HIBCH: variants seen among roughly 807,000 people sequenced by gnomAD.
HIBCH encodes the protein 3-hydroxyisobutyryl-CoA hydrolase, mitochondrial.
HIBCH carries 50 observed loss-of-function variants against 58.2 expected under a neutral mutation model. The ratio of observed to expected loss-of-function variants is 0.86; its 90% confidence interval spans 0.68 to 1.09. HIBCH has a LOEUF of 1.09. Ranked by LOEUF, HIBCH falls within the 50% of genes least tolerant of loss-of-function variation. The pLI is 0.00. For synonymous variants in HIBCH, 151 were observed against 146.9 expected (o/e 1.03, Z -0.20); for missense variants, 450 against 449.7 (o/e 1.00, Z -0.01).
At chr2:190,246,356 G>T (rs1052368337) in intron 9 of HIBCH, 144 bp from the exon 10 acceptor site, 2 of 611,310 alleles carry the variant, frequency 3.3e-6, no homozygotes, top group Non-Finnish European at 5.8e-6. Flanking sequence ...AATAACTACC[G>T]CTGTATGATC....
chr2:190,198,151 C>A (rs1690065108), intron 1 of HIBCH, among the ~76,000 whole-genome samples: 1 of 152,248 alleles, frequency 6.6e-6, no homozygotes, highest in Non-Finnish European at 1.5e-5. Flanking sequence ...TAATTAAAAG[C>A]AGAAGACTGC....
intron 6 of HIBCH, among the ~76,000 whole-genome samples, chr2:190,265,019 A>C (rs934859968): frequency 1.4e-5 from 2 of 147,848 alleles, no homozygotes; most frequent in Admixed American, 1.4e-4. Flanking sequence ...GCTACTCGGG[A>C]GGCTGAGGCA....
intron 1 of HIBCH, among the ~76,000 whole-genome samples, chr2:190,195,628 C>G (rs2105882213): frequency 6.6e-6 from 1 of 152,300 alleles, no homozygotes; most frequent in Non-Finnish European, 1.5e-5. Context: ...GTATTGTTGA[C>G]TTTTAAAAGT....
chr2:190,276,278 G>A (rs1687548936), intron 6 of HIBCH, among the ~76,000 whole-genome samples: 1 of 152,110 alleles, frequency 6.6e-6, no homozygotes, highest in African/African-American at 2.4e-5. Context: ...CATACACTAT[G>A]TAAATGCCCC....
At chr2:190,312,861 G>A (rs1467099106) in intron 1 of HIBCH, among the ~76,000 whole-genome samples, 1 of 152,202 alleles carries the variant, frequency 6.6e-6, no homozygotes, top group Non-Finnish European at 1.5e-5. Context: ...CACTTTGGGA[G>A]GCCAAGGCAG....
chr2:190,193,409 C>A (rs1689810048), intron 1 of HIBCH, among the ~76,000 whole-genome samples: 2 of 152,064 alleles, frequency 1.3e-5, no homozygotes, highest in African/African-American at 2.4e-5. Flanking sequence ...TAATACTGGC[C>A]TCATATAGAA....
intron 6 of HIBCH, among the ~76,000 whole-genome samples, chr2:190,263,648 A>C (rs1687154401): frequency 1.3e-5 from 2 of 152,306 alleles, no homozygotes; most frequent in South Asian, 4.1e-4. Context: ...CTCGTCTTGA[A>C]TGTCTAATAA....
downstream of HIBCH, chr2:190,200,316 C>G: frequency 3.2e-6 from 2 of 627,834 alleles, no homozygotes; most frequent in Admixed American, 3.0e-5. Context: ...TTAAGTACTT[C>G]TATGTTAACA....
chr2:190,239,647 G>GTTTTTTTTT (rs60949644), intron 11 of HIBCH, among the ~76,000 whole-genome samples: 7 of 127,522 alleles, frequency 5.5e-5, no homozygotes, highest in African/African-American at 2.1e-4. Flanking sequence ...GTGGTTTGTA[G>GTTTTTTTTT]TTTTTTTTTT....
chr2:190,319,785 G>C lies in HIBCH; in HGVS notation c.-35C>G, dbSNP rs779583218. ...CTCCGAAGCTAAAGCAGCAGAGCGA[G>C]AATCTCCCGGACCGTTCCAGCGCCT... On this transcript the variant is annotated 5_prime_UTR_variant, in exon 1 of 14. Coordinates refer to ENST00000359678, the MANE Select transcript of HIBCH (RefSeq NM_014362.4). The C allele has an allele frequency of 5.0e-6, 8 of 1,601,328 alleles. 1 individual carries two copies. Among genetic ancestry groups the C allele is most frequent in the East Asian group, 4.5e-5 (2 of 44,630 alleles).
In HIBCH at chr2:190,304,502, C is replaced by T. The variant is rs1200764060; in HGVS notation, c.78+6252G>A. 6.6e-6 allele frequency among the ~76,000 whole-genome samples: 1 copy of T among 152,184 alleles called. No individual in the cohort carries two copies. Among genetic ancestry groups the T allele is most frequent in the East Asian group, 1.9e-4 (1 of 5,190 alleles). On this transcript the variant is annotated intron_variant, in intron 2 of 13. Transcript: ENST00000359678. The surrounding 1 kb of genome is among the most constrained non-coding windows in gnomAD (Gnocchi z 4.1). ...TTAATGGATTAATCCTTCGTGAGGA[C>T]AGAGGCCTCGTGACCCAATCACCTC...
rs1685549805 is a variant in HIBCH at position 190,216,681 on chromosome 2, T to A, written c.892-3606A>T. Among the ~76,000 whole-genome samples the A allele has an allele frequency of 6.6e-6, 1 of 152,200 alleles. No homozygotes were observed. The highest frequency in any genetic ancestry group is 1.5e-5 in the Non-Finnish European group (1 of 68,028). ...GGATTTTTAAATGCTGGTTATCAGT[T>A]CAAAAAACTTAAAAACCCAATAGAG... On this transcript the variant is annotated intron_variant, in intron 11 of 13. Coordinates refer to ENST00000359678, the MANE Select transcript of HIBCH (RefSeq NM_014362.4). The surrounding 1 kb of genome is among the most constrained non-coding windows in gnomAD (Gnocchi z 4.2).
chr2:190,260,311 T>G (rs1687052987), intron 7 of HIBCH: 1 of 152,280 alleles, frequency 6.6e-6, no homozygotes, highest in African/African-American at 2.4e-5. Context: ...ATCATTAATA[T>G]GAAATACTTA....
chr2:190,228,294 C>T (rs1368632239), intron 11 of HIBCH, among the ~76,000 whole-genome samples: 4 of 151,184 alleles, frequency 2.6e-5, no homozygotes, highest in Non-Finnish European at 5.9e-5. Context: ...AGCAAATTAT[C>T]GCAAGGACAG....
At chr2:190,219,625 CA>C (rs1302155448) in intron 11 of HIBCH, among the ~76,000 whole-genome samples, 1 of 152,190 alleles carries the variant, frequency 6.6e-6, no homozygotes, top group Non-Finnish European at 1.5e-5. Context: ...TGGGCTGCAA[CA>C]AAATGCAGCA....
intron 11 of HIBCH, among the ~76,000 whole-genome samples, chr2:190,239,968 G>T (rs1310774364): frequency 6.6e-6 from 1 of 152,062 alleles, no homozygotes; most frequent in African/African-American, 2.4e-5. Context: ...TTTTTTTATT[G>T]TTGTGTCTCT....
Position 190,261,818 on chromosome 2 carries a change from G to A in HIBCH, c.439-584C>T, listed in dbSNP as rs552911483. 2.1e-4 allele frequency among the ~76,000 whole-genome samples: 32 copies of A among 152,242 alleles called. No homozygotes were observed. In the South Asian group the frequency reaches 6.4e-3, roughly 31 times the overall value. ...AATCATAAAACTTCTAAGGTAAGAA[G>A]AAAAACTACTAGATAAGGCCACTGC... is the stretch of plus-strand genomic sequence containing the variant. On this transcript the variant is annotated intron_variant, in intron 6 of 13. Coordinates refer to ENST00000359678, the MANE Select transcript of HIBCH (RefSeq NM_014362.4).
intron 11 of HIBCH, among the ~76,000 whole-genome samples, chr2:190,237,140 G>A (rs546887699): frequency 2.2e-4 from 34 of 152,240 alleles, no homozygotes; most frequent in African/African-American, 7.9e-4. Flanking sequence ...TCACTTAAGT[G>A]CATAGTTCTA....
At chr2:190,258,494 T>C (rs929798797) in intron 7 of HIBCH, among the ~76,000 whole-genome samples, 4 of 152,346 alleles carry the variant, frequency 2.6e-5, no homozygotes, top group East Asian at 1.9e-4. Context: ...ACTCTGCTAA[T>C]TGTTTTCTTT....
Sources: allele counts gnomAD v4.1 joint callset (sites outside exome capture counted in the v4.1 genomes callset), GRCh38; gene constraint gnomAD v4.1.1; non-coding constraint Gnocchi (gnomAD v3.1); transcripts MANE v1.5; gene names NCBI Gene and HGNC (gene_info 2026-07-23, HGNC 2026-07-21).